Variants in RARB observed in about 807,000 individuals in gnomAD.
RARB encodes HBV-activated protein.
RARB carries 17 observed loss-of-function variants against 51.9 expected under a neutral mutation model. That is an observed-to-expected ratio of 0.33 (90% CI 0.22 to 0.49). RARB has a LOEUF of 0.49. Ranked by LOEUF, RARB falls within the 20% of genes least tolerant of loss-of-function variation. The probability of loss-of-function intolerance (pLI) is 0.99; values close to 1 mark genes in which losing one functional copy is unlikely to be tolerated. For missense variants in RARB, 369 were observed against 550.8 expected (o/e 0.67, Z 3.30); for synonymous variants, 215 against 195.4 (o/e 1.10, Z -0.84).
chr3:24,908,661 C>A lies in RARB; in HGVS notation c.-380+49909C>A, dbSNP rs550672589. On this transcript the variant is annotated intron_variant, in intron 2 of 11. Transcript: ENST00000383772. ...TTTGTAATTCTTGAGGTAACCACAA[C>A]TGTTTTTTTTTTTTTTTTTTTTTTT... is the stretch of plus-strand genomic sequence containing the variant. Among the ~76,000 whole-genome samples the A allele has an allele frequency of 2.2e-3, 105 of 47,052 alleles. No individual in the cohort carries two copies. In the East Asian group the frequency reaches 0.057, roughly 25 times the overall value. 30.9% of individuals were successfully genotyped at this position (47,052 alleles called of 152,430 possible). A position where few individuals can be genotyped will look rare whatever the true frequency, so the allele number is the denominator to read the frequency against.
At chr3:25,449,805 G>A (rs1005533921) in intron 1 of RARB, among the ~76,000 whole-genome samples, 1 of 151,078 alleles carries the variant, frequency 6.6e-6, no homozygotes. Flanking sequence ...AGGCTAGAGT[G>A]CAATGGTGCG....
chr3:24,967,253 C>T (rs577632710), intron 2 of RARB, among the ~76,000 whole-genome samples: 1 of 152,118 alleles, frequency 6.6e-6, no homozygotes, highest in Admixed American at 6.5e-5. Flanking sequence ...GCTTTTCTTC[C>T]CTCAGCTAGA....
chr3:24,851,669 T>C (rs753750287), intron 1 of RARB, among the ~76,000 whole-genome samples: 2 of 152,228 alleles, frequency 1.3e-5, no homozygotes, highest in African/African-American at 2.4e-5. Context: ...CTTTTGATGG[T>C]AGAAAATGAT....
chr3:25,111,377 A>G (rs1699597640), intron 3 of RARB, among the ~76,000 whole-genome samples: 1 of 152,120 alleles, frequency 6.6e-6, no homozygotes, highest in Non-Finnish European at 1.5e-5. Flanking sequence ...TGGTTTAACC[A>G]CTAGGAACAC....
chr3:25,209,282 G>T (rs1328683754), intron 5 of RARB, among the ~76,000 whole-genome samples: 1 of 152,188 alleles, frequency 6.6e-6, no homozygotes, highest in Non-Finnish European at 1.5e-5. Context: ...CCTCTTTGTT[G>T]TTTCTGAGCT....
intron 2 of RARB, among the ~76,000 whole-genome samples, chr3:24,871,495 C>G (rs914157882): frequency 6.6e-6 from 1 of 152,112 alleles, no homozygotes; most frequent in Non-Finnish European, 1.5e-5. Context: ...ACGCACCCCT[C>G]TAGGTCTTCT....
chr3:25,248,633 G>A (rs1462726212), intron 5 of RARB, among the ~76,000 whole-genome samples: 18 of 152,104 alleles, frequency 1.2e-4, no homozygotes, highest in Admixed American at 1.1e-3. Flanking sequence ...GACAATACTA[G>A]TGGTGATGAA....
At chr3:24,915,664 A>T (rs879864972) in intron 2 of RARB, among the ~76,000 whole-genome samples, 5 of 152,224 alleles carry the variant, frequency 3.3e-5, no homozygotes, top group Admixed American at 2.0e-4. Context: ...TGTGTTTGCC[A>T]TACAGCGTTG....
chr3:25,063,161 A>G (rs773068153), intron 3 of RARB, among the ~76,000 whole-genome samples: 28 of 152,038 alleles, frequency 1.8e-4, no homozygotes, highest in Non-Finnish European at 3.5e-4. Flanking sequence ...TAGCCACAGA[A>G]GGTTTTCCCC....
At chr3:25,340,593 C>T (rs1443382090) in intron 5 of RARB, among the ~76,000 whole-genome samples, 4 of 152,140 alleles carry the variant, frequency 2.6e-5, no homozygotes, top group African/African-American at 9.7e-5. Context: ...CAAGTGAGGA[C>T]TTTTTTTCTC....
At chr3:24,957,364 T>A (rs948685933) in intron 2 of RARB, among the ~76,000 whole-genome samples, 1 of 152,214 alleles carries the variant, frequency 6.6e-6, no homozygotes, top group Non-Finnish European at 1.5e-5. Context: ...AAAATCATTA[T>A]TTTATAAATA....
chr3:25,002,752 G>A (rs1191323473), intron 2 of RARB, among the ~76,000 whole-genome samples: 1 of 84,306 alleles, frequency 1.2e-5, no homozygotes, highest in South Asian at 5.4e-4. Context: ...CATATTCTGT[G>A]TGTGTGTGTA....
chr3:25,150,304 C>T (rs2125341161), intron 4 of RARB, among the ~76,000 whole-genome samples: 1 of 152,198 alleles, frequency 6.6e-6, no homozygotes. Flanking sequence ...CAGAGGAGTA[C>T]CTCTGGAGCT....
chr3:25,460,022 G>A (rs973671235), intron 1 of RARB, among the ~76,000 whole-genome samples: 1 of 152,112 alleles, frequency 6.6e-6, no homozygotes, highest in Admixed American at 6.5e-5. Context: ...CATTTCCCAT[G>A]GAATTTGGGT....
At chr3:25,548,064 C>A (rs1252075658) in intron 3 of RARB, among the ~76,000 whole-genome samples, 1 of 150,650 alleles carries the variant, frequency 6.6e-6, no homozygotes, top group African/African-American at 2.4e-5. Context: ...GTGCCCTCCC[C>A]CTGTAAAATA....
At chr3:25,250,004 C>T (rs1236369655) in intron 5 of RARB, among the ~76,000 whole-genome samples, 1 of 98,018 alleles carries the variant, frequency 1.0e-5, no homozygotes, top group Non-Finnish European at 2.0e-5. Context: ...GATCTTCAGG[C>T]CCCTGGGCAT....
At chr3:25,526,477 G>T (rs1433353641) in intron 3 of RARB, among the ~76,000 whole-genome samples, 3 of 152,106 alleles carry the variant, frequency 2.0e-5, no homozygotes, top group Non-Finnish European at 4.4e-5. Context: ...GAAGTGGGGT[G>T]GTTAGTTAAG....
chr3:24,870,859 A>G (rs1202152338), intron 2 of RARB, among the ~76,000 whole-genome samples: 1 of 152,152 alleles, frequency 6.6e-6, no homozygotes, highest in Non-Finnish European at 1.5e-5. Flanking sequence ...CATCACCTCA[A>G]GCGTTTGTCA....
intron 2 of RARB, among the ~76,000 whole-genome samples, chr3:24,923,596 G>C (rs1479478712): frequency 6.6e-6 from 1 of 151,928 alleles, no homozygotes; most frequent in African/African-American, 2.4e-5. Context: ...AAGGTAACAA[G>C]AATAAACCTC....
Sources: gnomAD v4.1 joint callset for allele counts (sites outside exome capture counted in the v4.1 genomes callset) on GRCh38, gnomAD v4.1.1 for gene constraint, MANE v1.5 for transcripts, NCBI Gene and HGNC (gene_info 2026-07-23, HGNC 2026-07-21) for gene names.